GRID2: variants seen among roughly 807,000 people sequenced by gnomAD.
The protein encoded by GRID2 is glutamate ionotropic receptor delta type subunit 2.
A neutral mutation model predicts 114.8 loss-of-function variants in GRID2; 33 were observed. That is an observed-to-expected ratio of 0.29 (90% CI 0.22 to 0.38). The LOEUF is 0.38. Among genes scored for constraint, GRID2 ranks in the 10% least tolerant of loss-of-function variants. GRID2 has a pLI of 1.00. For missense variants in GRID2, 1,184 were observed against 1,257.7 expected (o/e 0.94, Z 0.89); for synonymous variants, 505 against 449.9 (o/e 1.12, Z -1.55).
intron 1 of GRID2, among the ~76,000 whole-genome samples, chr4:92,528,299 G>GTATA (rs70942904): frequency 2.7e-5 from 4 of 147,950 alleles, no homozygotes; most frequent in Admixed American, 6.8e-5. Flanking sequence ...TATATTTTGA[G>GTATA]TATATATATA....
intron 8 of GRID2, among the ~76,000 whole-genome samples, chr4:93,304,123 A>C (rs1755162469): frequency 6.6e-6 from 1 of 151,350 alleles, no homozygotes; most frequent in South Asian, 2.1e-4. Flanking sequence ...CTTAGAAGAA[A>C]TACATATCAA....
intron 1 of GRID2, among the ~76,000 whole-genome samples, chr4:92,584,406 A>G (rs1056779160): frequency 1.8e-4 from 28 of 152,020 alleles, no homozygotes; most frequent in African/African-American, 6.0e-4. Flanking sequence ...GAATAGTAGC[A>G]TCTAAAACAG....
intron 1 of GRID2, among the ~76,000 whole-genome samples, chr4:93,792,954 C>T (rs1181193551): frequency 6.6e-6 from 1 of 152,134 alleles, no homozygotes; most frequent in African/African-American, 2.4e-5. Context: ...AGATTTTTCC[C>T]ACCTCTTCTA....
At chr4:92,352,755 G>A (rs1728130601) in intron 1 of GRID2, among the ~76,000 whole-genome samples, 1 of 151,620 alleles carries the variant, frequency 6.6e-6, no homozygotes, top group Non-Finnish European at 1.5e-5. Flanking sequence ...ACTTTAATTG[G>A]GTTGTTTAAA....
chr4:93,176,453 A>C (rs569236350), intron 4 of GRID2, among the ~76,000 whole-genome samples: 1 of 152,296 alleles, frequency 6.6e-6, no homozygotes, highest in African/African-American at 2.4e-5. Flanking sequence ...ATTAAAAATA[A>C]ACATCAAAAA....
chr4:92,368,131 A>G (rs567433501), intron 1 of GRID2, among the ~76,000 whole-genome samples: 1 of 152,228 alleles, frequency 6.6e-6, no homozygotes, highest in Admixed American at 6.6e-5. Context: ...TGCGGGTCTC[A>G]GAGTATGGGT....
intron 4 of GRID2, among the ~76,000 whole-genome samples, chr4:93,167,536 A>C (rs1475192292): frequency 2.0e-5 from 3 of 152,166 alleles, no homozygotes; most frequent in Non-Finnish European, 4.4e-5. Flanking sequence ...AATAGATATT[A>C]GGTTTCTCTG....
intron 2 of GRID2, among the ~76,000 whole-genome samples, chr4:92,611,064 GTGTGTATATATATATGTGTGTATATATA>G (rs1411545799): frequency 7.3e-6 from 1 of 136,542 alleles, no homozygotes; most frequent in Non-Finnish European, 1.7e-5. Flanking sequence ...ATATATGTGT[GTGTGTATATATATATGTGTGTATATATA>G]TGTGTGTGTG....
intron 2 of GRID2, among the ~76,000 whole-genome samples, chr4:93,048,671 A>C (rs143636062): frequency 1.3e-5 from 2 of 152,248 alleles, no homozygotes; most frequent in East Asian, 3.9e-4. Context: ...GGATAGGTAC[A>C]TAGGATAAAG....
At chr4:92,908,524 T>C (rs578173789) in intron 2 of GRID2, among the ~76,000 whole-genome samples, 1 of 138,908 alleles carries the variant, frequency 7.2e-6, no homozygotes, top group South Asian at 2.2e-4. Context: ...ATCGTGCCAC[T>C]GCACTCCAGT....
At chr4:92,915,905 A>G (rs781596807) in intron 2 of GRID2, among the ~76,000 whole-genome samples, 29 of 152,116 alleles carry the variant, frequency 1.9e-4, no homozygotes, top group Non-Finnish European at 3.8e-4. Context: ...CCAATTTTTA[A>G]TGGGGTTATT....
chr4:93,032,911 T>G (rs1400875723), intron 2 of GRID2, among the ~76,000 whole-genome samples: 1 of 152,198 alleles, frequency 6.6e-6, no homozygotes, highest in Non-Finnish European at 1.5e-5. Context: ...AAAAACTCAT[T>G]CAGGTCTTTC....
intron 1 of GRID2, among the ~76,000 whole-genome samples, chr4:93,790,809 C>T (rs146309594): frequency 7.6e-4 from 116 of 152,220 alleles, no homozygotes; most frequent in African/African-American, 2.7e-3. Flanking sequence ...TTCACATCTG[C>T]CATTTGTCAG....
In GRID2 at chr4:92,463,573, A is replaced by G. The variant is rs115549742; in HGVS notation, c.89-126558A>G. The stretch of plus-strand genomic sequence containing the variant: ...AGTCAAGAGTTTCAGATAAATCTGT[A>G]TATTCAATCCTGAGGTATCAAATCC... On this transcript the variant is annotated intron_variant, in intron 1 of 15. Transcript: ENST00000282020. Among the ~76,000 whole-genome samples, 905 of 152,120 alleles carry G rather than the reference A, an allele frequency of 5.9e-3. 7 individuals are homozygous for G. The highest frequency in any genetic ancestry group is 0.02 in the African/African-American group (843 of 41,552).
intron 8 of GRID2, among the ~76,000 whole-genome samples, chr4:93,304,685 A>G (rs1755235603): frequency 6.6e-6 from 1 of 152,134 alleles, no homozygotes; most frequent in African/African-American, 2.4e-5. Context: ...AACAAATAGG[A>G]CACCAGTAGA....
chr4:92,375,701 T>A (rs1188269701), intron 1 of GRID2, among the ~76,000 whole-genome samples: 1 of 152,174 alleles, frequency 6.6e-6, no homozygotes, highest in African/African-American at 2.4e-5. Flanking sequence ...AAATATTCAA[T>A]CTTCTCTTCT....
At chr4:93,234,014 T>C (rs1456908371) in intron 7 of GRID2, among the ~76,000 whole-genome samples, 5 of 152,174 alleles carry the variant, frequency 3.3e-5, no homozygotes, top group Non-Finnish European at 7.3e-5. Flanking sequence ...ACATTACTTT[T>C]TGTTTAAAGC....
At chr4:93,025,852 T>C (rs537532075) in intron 2 of GRID2, among the ~76,000 whole-genome samples, 1 of 151,838 alleles carries the variant, frequency 6.6e-6, no homozygotes, top group Admixed American at 6.6e-5. Flanking sequence ...TTTTTTAATG[T>C]GTATTCCTGG....
At chr4:92,648,750 G>A in intron 2 of GRID2, among the ~76,000 whole-genome samples, 1 of 148,836 alleles carries the variant, frequency 6.7e-6, no homozygotes, top group South Asian at 2.1e-4. Flanking sequence ...ATGATTTAGA[G>A]TTAAAACTTT....
Sources: allele counts gnomAD v4.1 joint callset (sites outside exome capture counted in the v4.1 genomes callset), GRCh38; gene constraint gnomAD v4.1.1; transcripts MANE v1.5; gene names NCBI Gene and HGNC (gene_info 2026-07-23, HGNC 2026-07-21).